Variants in DPP6 observed in about 807,000 individuals in gnomAD.
The protein encoded by DPP6 is dipeptidyl peptidase like 6, also known as A-type potassium channel modulatory protein DPP6.
DPP6 carries 69 observed loss-of-function variants against 122.6 expected under a neutral mutation model. That is an observed-to-expected ratio of 0.56 (90% confidence interval 0.46 to 0.69). The LOEUF (loss-of-function observed/expected upper bound fraction) is 0.69, where lower values mean the gene tolerates loss of function less well. Among genes scored for constraint, DPP6 ranks in the 30% least tolerant of loss-of-function variants. The pLI is 0.00. For missense variants in DPP6, 928 were observed against 1,116.9 expected (o/e 0.83, Z 2.41); for synonymous variants, 418 against 433.1 (o/e 0.97, Z 0.43).
At chr7:153,999,191 G>A (rs1410215864) in intron 1 of DPP6, among the ~76,000 whole-genome samples, 4 of 152,164 alleles carry the variant, frequency 2.6e-5, no homozygotes, top group East Asian at 1.9e-4. Context: ...CAATCTTCTC[G>A]AGCAGTATCA....
At chr7:154,717,405 C>G (rs749276142) in intron 7 of DPP6, among the ~76,000 whole-genome samples, 1 of 152,002 alleles carries the variant, frequency 6.6e-6, no homozygotes, top group East Asian at 1.9e-4. Context: ...CACACACGCA[C>G]CCTTCCCAGC....
At position 154,607,561 on chromosome 7, in the gene DPP6, CAAAAAAAAAAAA is replaced by C. The variant is rs1162220684; in HGVS notation, c.628-30244_628-30233del. 2.2e-4 allele frequency among the ~76,000 whole-genome samples: 5 copies of C among 22,380 alleles called. 1 individual carries two copies. The highest frequency in any genetic ancestry group is 2.9e-4 in the African/African-American group (2 of 6,954). The allele number at this position is 22,380 out of a possible 152,430, so 14.7% of individuals were successfully genotyped here. The stretch of plus-strand genomic sequence containing the variant: ...TGGGCGACAGAGCAAGACTCTGTCT[CAAAAAAAAAAAA>C]AAAAAAAAAAAAAAAGGAAAGAAAA... On this transcript the variant is annotated intron_variant, in intron 5 of 25. Transcript: ENST00000377770.
chr7:153,912,591 A>T (rs1800138591), intron 1 of DPP6, among the ~76,000 whole-genome samples: 1 of 152,230 alleles, frequency 6.6e-6, no homozygotes, highest in Admixed American at 6.5e-5. Context: ...ATGGAGGTAG[A>T]GAAGTGGGTT....
At chr7:154,039,122 C>T (rs1396333819) in intron 1 of DPP6, among the ~76,000 whole-genome samples, 2 of 37,174 alleles carry the variant, frequency 5.4e-5, no homozygotes, top group Admixed American at 6.9e-4. Context: ...GCATGTGAAA[C>T]GTATGGTTAT....
At chr7:154,056,944 C>T (rs1474547599) in intron 1 of DPP6, among the ~76,000 whole-genome samples, 2 of 152,204 alleles carry the variant, frequency 1.3e-5, no homozygotes, top group African/African-American at 2.4e-5. Context: ...AAGTCTAAAT[C>T]TTTCAACTGT....
intron 16 of DPP6, among the ~76,000 whole-genome samples, chr7:154,822,471 C>A (rs1799857876): frequency 6.6e-6 from 1 of 152,152 alleles, no homozygotes; most frequent in Admixed American, 6.6e-5. Context: ...GGCCCGACCC[C>A]CTAACACTGT....
chr7:154,298,751 C>A (rs976607959), intron 1 of DPP6, among the ~76,000 whole-genome samples: 1 of 152,184 alleles, frequency 6.6e-6, no homozygotes, highest in Non-Finnish European at 1.5e-5. Flanking sequence ...GTGGCCCCGG[C>A]AGCTCTCTTG....
chr7:154,830,477 G>C (rs1004844941), intron 16 of DPP6, among the ~76,000 whole-genome samples: 9 of 152,344 alleles, frequency 5.9e-5, no homozygotes, highest in African/African-American at 2.2e-4. Flanking sequence ...TATAAACGTT[G>C]TGACATAGAT....
intron 16 of DPP6, among the ~76,000 whole-genome samples, chr7:154,817,344 G>C (rs919859362): frequency 2.0e-5 from 3 of 152,100 alleles, no homozygotes; most frequent in African/African-American, 7.2e-5. Flanking sequence ...TGTCATGAAA[G>C]TCGTAAGCGA....
the DPP6 span, among the ~76,000 whole-genome samples, chr7:153,877,948 G>A: frequency 6.6e-6 from 1 of 151,992 alleles, no homozygotes; most frequent in Non-Finnish European, 1.5e-5. Context: ...AATGACAAAT[G>A]GGCAAAAACA....
intron 16 of DPP6, among the ~76,000 whole-genome samples, chr7:154,837,034 G>GT (rs1801104081): frequency 6.6e-6 from 1 of 152,228 alleles, no homozygotes; most frequent in Admixed American, 6.5e-5. Flanking sequence ...TCCTGGGCTG[G>GT]TGTGGGCATG....
At chr7:154,260,165 G>T (rs1802900932) in intron 1 of DPP6, among the ~76,000 whole-genome samples, 1 of 152,306 alleles carries the variant, frequency 6.6e-6, no homozygotes, top group South Asian at 2.1e-4. Flanking sequence ...AAGTCTGTGG[G>T]GTGGGAGCGG....
At chr7:154,058,480 G>A (rs34443828) in intron 1 of DPP6, 22 of 130,114 alleles carry the variant, frequency 1.7e-4, no homozygotes, top group Non-Finnish European at 2.5e-4. Context: ...CATCGTAGGG[G>A]GGGGGAGGCA....
chr7:154,315,907 T>C lies in DPP6; in HGVS notation c.244-130307T>C, dbSNP rs191203534. Among the ~76,000 whole-genome samples the C allele has an allele frequency of 2.3e-4, 35 of 152,306 alleles. 1 individual carries two copies. In the East Asian group the frequency reaches 6.2e-3, roughly 27 times the overall value. On this transcript the variant is annotated intron_variant, in intron 1 of 25. Coordinates refer to ENST00000377770, the MANE Select transcript of DPP6 (RefSeq NM_130797.4). ...TACTTCCTGTACCTTGACACACATA[T>C]ATAAGCTTCTGAAGGACACAAAACA... is the stretch of plus-strand genomic sequence containing the variant.
the DPP6 span, among the ~76,000 whole-genome samples, chr7:153,797,500 G>C: frequency 6.6e-6 from 1 of 152,122 alleles, no homozygotes. Context: ...ATATACTGTA[G>C]GAGGAAGTCA....
At chr7:154,681,899 C>T (rs562037371) in intron 7 of DPP6, among the ~76,000 whole-genome samples, 58 of 152,264 alleles carry the variant, frequency 3.8e-4, no homozygotes, top group African/African-American at 1.3e-3. Context: ...AACTTTATTT[C>T]CCAGACCAAA....
At chr7:154,251,034 T>C (rs1213141777) in intron 1 of DPP6, among the ~76,000 whole-genome samples, 1 of 152,246 alleles carries the variant, frequency 6.6e-6, no homozygotes, top group African/African-American at 2.4e-5. Flanking sequence ...AGTTTCTCCA[T>C]TTGTGGATGG....
intron 1 of DPP6, among the ~76,000 whole-genome samples, chr7:153,892,444 G>A (rs1271056598): frequency 6.6e-6 from 1 of 152,076 alleles, no homozygotes; most frequent in Non-Finnish European, 1.5e-5. Context: ...CTCCCAAGTA[G>A]CTAGGATTAC....
intron 1 of DPP6, among the ~76,000 whole-genome samples, chr7:154,298,934 C>G (rs1485471024): frequency 1.3e-5 from 2 of 152,216 alleles, no homozygotes; most frequent in African/African-American, 4.8e-5. Context: ...AGACCCTCGG[C>G]CTCCCTGCCC....
Sources: gnomAD v4.1 joint callset for allele counts (sites outside exome capture counted in the v4.1 genomes callset) on GRCh38, gnomAD v4.1.1 for gene constraint, MANE v1.5 for transcripts, NCBI Gene and HGNC (gene_info 2026-07-23, HGNC 2026-07-21) for gene names.